Variants in ZFP91 observed in about 807,000 individuals in gnomAD.
ZFP91 encodes the protein ZFP91 zinc finger protein, atypical E3 ubiquitin ligase.
A neutral mutation model predicts 63.5 loss-of-function variants in ZFP91; 7 were observed. The observed-to-expected ratio is 0.11, with a 90% CI of 0.06 to 0.21. ZFP91 has a LOEUF of 0.21. Ranked by LOEUF, ZFP91 falls within the 10% of genes least tolerant of loss-of-function variation. ZFP91 has a pLI of 1.00. For missense variants in ZFP91, 628 were observed against 736.6 expected, an observed-to-expected ratio of 0.85 and a Z score of 1.71; for synonymous variants, 330 against 272.1, an observed-to-expected ratio of 1.21 and a Z score of -2.10.
At chr11:58,581,938 ATTC>A (rs1487214212) in intron 1 of ZFP91, among the ~76,000 whole-genome samples, 6 of 152,234 alleles carry the variant, frequency 3.9e-5, no homozygotes, top group Non-Finnish European at 5.9e-5. Flanking sequence ...TGACAATGGC[ATTC>A]TTCTTTCAGC....
chr11:58,602,626 C>T (rs892283527), intron 2 of ZFP91, among the ~76,000 whole-genome samples: 3 of 152,110 alleles, frequency 2.0e-5, no homozygotes, highest in Non-Finnish European at 4.4e-5. Context: ...GAATTGCTTT[C>T]CTCAAAAGAT....
chr11:58,579,369 C>G lies in ZFP91; in HGVS notation c.88C>G (p.Gln30Glu), dbSNP rs1403498000. 2 of 1,491,242 alleles carry G rather than the reference C, an allele frequency of 1.3e-6. No individual in the cohort carries two copies. Among genetic ancestry groups the G allele is most frequent in the African/African-American group, 1.5e-5 (1 of 67,696 alleles). The allele number at this position is 1,491,242 out of a possible 1,614,324, so 92.4% of individuals were successfully genotyped here. ...EAAKAAPEEP[Q>E]QRPPEAVAAA... ...GGCCAAGGCGGCTCCGGAGGAGCCC[C>G]AACAACGGCCCCCTGAGGCGGTCGC... The change falls in exon 1 of 11, where the codon CAA becomes GAA. Residue 30 changes from glutamine (Q) to glutamate (E), a missense_variant. Coordinates refer to ENST00000316059, the MANE Select transcript of ZFP91 (RefSeq NM_053023.5).
intron 1 of ZFP91, among the ~76,000 whole-genome samples, chr11:58,581,241 G>A (rs1351962545): frequency 6.6e-6 from 1 of 151,190 alleles, no homozygotes; most frequent in Non-Finnish European, 1.5e-5. Context: ...ATTACTATTC[G>A]TAGAGAGGGT....
chr11:58,609,911 G>T lies in ZFP91; in HGVS notation c.452G>T (p.Gly151Val). The T allele has an allele frequency of 6.2e-7, 1 of 1,614,156 alleles. No homozygotes were observed. Among genetic ancestry groups the T allele is most frequent in the Non-Finnish European group, 8.5e-7 (1 of 1,180,012 alleles). The change falls in exon 3 of 11, where the codon GGC becomes GTC. Residue 151 changes from glycine (G) to valine (V), a missense_variant. By Grantham distance (109) the Gly-to-Val change is moderately radical (BLOSUM62 -3). Transcript: ENST00000316059. ...VSIAASRPSRGWRSSRTSVSR... is the reference protein window; with the variant it reads ...VSIAASRPSRVWRSSRTSVSR... The stretch of plus-strand genomic sequence containing the variant: ...ATTGCTGCATCTAGACCTAGCCGGG[G>T]CTGGCGTAGTAGTAGGACATCTGTT...
At chr11:58,582,952 C>T (rs977169863) in intron 1 of ZFP91, among the ~76,000 whole-genome samples, 85 of 152,014 alleles carry the variant, frequency 5.6e-4, no homozygotes, top group African/African-American at 2.0e-3. Flanking sequence ...AAAAATAAAC[C>T]AAATTTGAAG....
At chr11:58,615,048 A>C (rs888427488) in intron 9 of ZFP91, among the ~76,000 whole-genome samples, 4 of 152,312 alleles carry the variant, frequency 2.6e-5, no homozygotes, top group South Asian at 2.1e-4. Flanking sequence ...CTCCTGCCCA[A>C]GGTCATACTG....
chr11:58,582,003 C>T (rs1332068077), intron 1 of ZFP91, among the ~76,000 whole-genome samples: 2 of 152,100 alleles, frequency 1.3e-5, no homozygotes, highest in Admixed American at 6.5e-5. Context: ...AACAAATTTT[C>T]GTCATAATAG....
intron 1 of ZFP91, among the ~76,000 whole-genome samples, chr11:58,581,908 A>G (rs1049870979): frequency 2.0e-5 from 3 of 152,204 alleles, no homozygotes; most frequent in African/African-American, 7.2e-5. Flanking sequence ...CTCCCATCCA[A>G]TATCATTAGA....
chr11:58,609,488 T>C (rs1590626908), intron 2 of ZFP91, among the ~76,000 whole-genome samples: 1 of 152,216 alleles, frequency 6.6e-6, no homozygotes, highest in Non-Finnish European at 1.5e-5. Flanking sequence ...GGTCATCTTT[T>C]TGGGACTAAT....
At chr11:58,589,030 C>T (rs369104336) in intron 2 of ZFP91, among the ~76,000 whole-genome samples, 16 of 152,060 alleles carry the variant, frequency 1.1e-4, no homozygotes, top group African/African-American at 3.1e-4. Flanking sequence ...TGAGAAAGGG[C>T]GTGTATAAGC....
At chr11:58,585,146 G>T (rs1478433715) in intron 2 of ZFP91, among the ~76,000 whole-genome samples, 1 of 152,070 alleles carries the variant, frequency 6.6e-6, no homozygotes, top group East Asian at 1.9e-4. Context: ...TTTAAATGAG[G>T]TAACAGACTG....
chr11:58,582,397 A>G (rs925211081), intron 1 of ZFP91, among the ~76,000 whole-genome samples: 4 of 152,168 alleles, frequency 2.6e-5, no homozygotes, highest in Admixed American at 6.6e-5. Context: ...TTTAAAAAGG[A>G]AGGTTTATTC....
chr11:58,584,966 G>T (rs1415263642), intron 2 of ZFP91, 82 bp downstream of exon 2: 1 of 1,170,840 alleles, frequency 8.5e-7, no homozygotes, highest in Non-Finnish European at 1.1e-6. Context: ...CATTCAAATT[G>T]GTTCCCATTT....
rs1491401935 is a variant in ZFP91 at position 58,610,343 on chromosome 11, AAC to A, written c.617+11_617+12del. 4.4e-6 allele frequency: 7 copies of A among 1,582,530 alleles called. No individual in the cohort carries two copies. In the African/African-American group the frequency reaches 8.5e-5, roughly 19 times the overall value. On this transcript the variant is annotated intron_variant, in intron 4 of 10. Coordinates refer to ENST00000316059, the MANE Select transcript of ZFP91 (RefSeq NM_053023.5). ...TCTCCAGGTGGCATTAGGTAAAAAA[AAC>A]ATTAATATTTCATTTTTAAACCTTT... is the stretch of plus-strand genomic sequence containing the variant.
At chr11:58,590,573 A>G (rs1325854449) in intron 2 of ZFP91, among the ~76,000 whole-genome samples, 2 of 152,242 alleles carry the variant, frequency 1.3e-5, no homozygotes, top group African/African-American at 4.8e-5. Context: ...AATCGAAGTC[A>G]TAAAATCAAA....
At chr11:58,587,905 T>C (rs1590611446) in intron 2 of ZFP91, among the ~76,000 whole-genome samples, 2 of 152,270 alleles carry the variant, frequency 1.3e-5, no homozygotes, top group African/African-American at 4.8e-5. Flanking sequence ...TTTAAATGTT[T>C]AATGGAATGA....
intron 8 of ZFP91, 150 bp downstream of exon 8, chr11:58,612,990 C>T: frequency 1.5e-6 from 1 of 649,106 alleles, no homozygotes; most frequent in Non-Finnish European, 2.6e-6. Flanking sequence ...ATGACTTTAA[C>T]CCATTTATGC....
chr11:58,601,507 A>G (rs981159103), intron 2 of ZFP91, among the ~76,000 whole-genome samples: 1 of 152,120 alleles, frequency 6.6e-6, no homozygotes, highest in African/African-American at 2.4e-5. Flanking sequence ...ATCTTGTCAA[A>G]GAACCAACTT....
At chr11:58,609,392 C>T (rs1352545562) in intron 2 of ZFP91, among the ~76,000 whole-genome samples, 1 of 152,146 alleles carries the variant, frequency 6.6e-6, no homozygotes, top group African/African-American at 2.4e-5. Context: ...GTTAGGAATT[C>T]CTCTTTAGTA....
Sources: allele counts gnomAD v4.1 joint callset (sites outside exome capture counted in the v4.1 genomes callset), GRCh38; gene constraint gnomAD v4.1.1; transcripts MANE v1.5; gene names NCBI Gene and HGNC (gene_info 2026-07-23, HGNC 2026-07-21).